The following ZNF43 variants were observed in gnomAD, a reference collection of about 807,000 sequenced individuals.
ZNF43 encodes zinc finger protein 43, also known as zinc finger protein 39-like 1 (KOX 27).
In ZNF43, 44 loss-of-function variants were observed where a neutral mutation model predicts 68.4. The ratio of observed to expected loss-of-function variants is 0.64; its 90% CI spans 0.51 to 0.83. ZNF43 has a LOEUF of 0.83. ZNF43 is among the 40% of genes least tolerant of loss of function. The pLI, the probability that ZNF43 is intolerant of heterozygous loss-of-function variation, is 0.00. For missense variants in ZNF43, 896 were observed against 933.2 expected (o/e 0.96, Z 0.52); for synonymous variants, 308 against 307.8 (o/e 1.00, Z -0.01).
In ZNF43 at chr19:21,808,501, A is replaced by G; in HGVS notation, c.1536T>C (p.Cys512=). Residue 512 remains cysteine (C), a synonymous_variant, in exon 4 of 4, where the codon TGT becomes TGC. Coordinates refer to ENST00000354959, the MANE Select transcript of ZNF43 (RefSeq NM_003423.4). ...ACTTAAAAGCTTTGCCACATTCTTC[A>G]CATTTGTAGGGTTTCTTTTCAATGT... ...KIHIEKKPYK[C]EECGKAFKWS... The G allele has an allele frequency of 6.2e-7, 1 of 1,613,318 alleles. No individual in the cohort carries two copies.
At chr19:21,821,311 AT>A in intron 1 of ZNF43, among the ~76,000 whole-genome samples, 1 of 151,106 alleles carries the variant, frequency 6.6e-6, no homozygotes, top group African/African-American at 2.4e-5. Flanking sequence ...ACGCCCTGCT[AT>A]TTTTTTTGTA....
chr19:21,836,771 T>C (rs1967131179), upstream of ZNF43, among the ~76,000 whole-genome samples: 1 of 152,148 alleles, frequency 6.6e-6, no homozygotes, highest in South Asian at 2.1e-4. Flanking sequence ...ATATTTTTAT[T>C]TGTAGAGATG....
chr19:21,848,098 G>A (rs981907079), intron 1 of ZNF43, among the ~76,000 whole-genome samples: 3 of 151,872 alleles, frequency 2.0e-5, no homozygotes, highest in African/African-American at 7.3e-5. Flanking sequence ...GGCATTACAG[G>A]CGTGAGGCCA....
upstream of ZNF43, among the ~76,000 whole-genome samples, chr19:21,836,744 T>C (rs1168522539): frequency 6.6e-6 from 1 of 152,092 alleles, no homozygotes; most frequent in Non-Finnish European, 1.5e-5. Context: ...GGCCCCATGC[T>C]CAGCTAATTT....
intron 1 of ZNF43, among the ~76,000 whole-genome samples, chr19:21,825,551 A>G (rs2038076303): frequency 6.6e-6 from 1 of 152,012 alleles, no homozygotes; most frequent in South Asian, 2.1e-4. Context: ...ACCCAGAATC[A>G]GAATTTGGGG....
chr19:21,827,203 T>C (rs915539849), intron 1 of ZNF43: 2 of 152,190 alleles, frequency 1.3e-5, no homozygotes, highest in African/African-American at 2.4e-5. Context: ...CTTCCATGTC[T>C]GCTGCTGTCT....
intron 3 of ZNF43, among the ~76,000 whole-genome samples, chr19:21,816,003 A>G (rs1023060839): frequency 2.0e-5 from 3 of 151,666 alleles, no homozygotes; most frequent in East Asian, 1.9e-4. Flanking sequence ...GGAGGTTGCA[A>G]TGAGCTGAGA....
intron 1 of ZNF43, among the ~76,000 whole-genome samples, chr19:21,849,278 C>T (rs988944583): frequency 1.3e-5 from 2 of 151,882 alleles, no homozygotes; most frequent in Non-Finnish European, 2.9e-5. Context: ...AACCTGAGGT[C>T]GGGAGTTCTA....
At chr19:21,817,284 A>T (rs902419296) in intron 3 of ZNF43, among the ~76,000 whole-genome samples, 1 of 152,144 alleles carries the variant, frequency 6.6e-6, no homozygotes. Flanking sequence ...ACTTTCTATC[A>T]AAATTCCAGT....
chr19:21,843,828 C>T (rs574780493), intron 1 of ZNF43, among the ~76,000 whole-genome samples: 1 of 152,084 alleles, frequency 6.6e-6, no homozygotes, highest in Non-Finnish European at 1.5e-5. Context: ...TGAATCTTGA[C>T]CTGAGAGTCA....
At chr19:21,818,879 T>C (rs932343189) in intron 2 of ZNF43, among the ~76,000 whole-genome samples, 2 of 152,156 alleles carry the variant, frequency 1.3e-5, no homozygotes, top group African/African-American at 4.8e-5. Flanking sequence ...ACTACTAATC[T>C]GGAGTGAAAG....
intron 1 of ZNF43, chr19:21,851,185 A>T (rs1968327916): frequency 6.6e-6 from 1 of 152,156 alleles, no homozygotes; most frequent in Admixed American, 6.5e-5. Flanking sequence ...CCCGCATATG[A>T]AAGTCAATTA....
intron 1 of ZNF43, among the ~76,000 whole-genome samples, chr19:21,828,440 C>T (rs964677950): frequency 6.6e-6 from 1 of 151,726 alleles, no homozygotes; most frequent in African/African-American, 2.4e-5. Flanking sequence ...TTAGGCCAGG[C>T]GCGGTGGCTC....
intron 1 of ZNF43, chr19:21,843,340 C>G (rs751040731): frequency 9.1e-6 from 9 of 984,956 alleles, no homozygotes; most frequent in Non-Finnish European, 1.1e-5. Flanking sequence ...CAGAAAGACC[C>G]AGAAATCAGA....
chr19:21,847,691 C>T (rs1043288891), intron 1 of ZNF43, among the ~76,000 whole-genome samples: 1 of 122,800 alleles, frequency 8.1e-6, no homozygotes, highest in South Asian at 2.6e-4. Context: ...AGTGAGACTC[C>T]GTCTCCGAAA....
rs1349537631 is a variant in ZNF43, at chr19:21,809,383, A to C, written c.654T>G (p.Thr218=). 6.2e-7 allele frequency: 1 copy of C among 1,613,638 alleles called. No individual in the cohort carries two copies. Among genetic ancestry groups the C allele is most frequent in the East Asian group, 2.2e-5 (1 of 44,852 alleles). ...GKAFNCPSII[T]KHKRINTGEK... ...CTCCAGTATTAATTCTCTTATGTTT[A>C]GTGATGATTGAAGGGCAGTTAAAAG... The change falls in exon 4 of 4, where the codon ACT becomes ACG. Residue 218 remains threonine, a synonymous_variant. Coordinates refer to ENST00000354959, the MANE Select transcript of ZNF43 (RefSeq NM_003423.4).
chr19:21,836,569 T>G (rs2038751846), upstream of ZNF43, among the ~76,000 whole-genome samples: 1 of 152,218 alleles, frequency 6.6e-6, no homozygotes, highest in African/African-American at 2.4e-5. Context: ...ACATTGAATA[T>G]TTTATTATTT....
At chr19:21,826,976 G>T (rs1388842641) in intron 1 of ZNF43, 1 of 151,944 alleles carries the variant, frequency 6.6e-6, no homozygotes, top group African/African-American at 2.4e-5. Flanking sequence ...AAGAAAAACA[G>T]CTCTCCATTT....
chr19:21,843,660 G>A (rs1967696384), intron 1 of ZNF43, among the ~76,000 whole-genome samples: 1 of 152,120 alleles, frequency 6.6e-6, no homozygotes, highest in South Asian at 2.1e-4. Context: ...ATGGTGGCGG[G>A]CGCCTGTAAT....
Sources: allele counts gnomAD v4.1 joint callset (sites outside exome capture counted in the v4.1 genomes callset), GRCh38; gene constraint gnomAD v4.1.1; transcripts MANE v1.5; gene names NCBI Gene and HGNC (gene_info 2026-07-23, HGNC 2026-07-21).